CSMD1: variants seen among roughly 807,000 people sequenced by gnomAD.
CSMD1 encodes the protein CUB and Sushi multiple domains 1.
CSMD1 carries 213 observed loss-of-function variants against 417.5 expected under a neutral mutation model. The ratio of observed to expected loss-of-function variants is 0.51; its 90% CI spans 0.46 to 0.57. The LOEUF (loss-of-function observed/expected upper bound fraction) is 0.57, where lower values mean the gene tolerates loss of function less well. Among genes scored for constraint, CSMD1 ranks in the 20% least tolerant of loss-of-function variants. The pLI, the probability that CSMD1 is intolerant of heterozygous loss-of-function variation, is 0.00. For missense variants in CSMD1, 6,923 were observed against 4,529.7 expected, an observed-to-expected ratio of 1.53 and a Z score of -15.17; for synonymous variants, 2,862 against 1,736.8, an observed-to-expected ratio of 1.65 and a Z score of -16.11.
chr8:4,536,361 T>A lies in CSMD1; in HGVS notation c.302+100981A>T, dbSNP rs139179051. ...TTCCTGTGTGTAATATTTATTTGCTTGTATTTTTTAAATTTATCCTTACAA... is the reference window on the plus strand; with the variant it reads ...TTCCTGTGTGTAATATTTATTTGCTAGTATTTTTTAAATTTATCCTTACAA... On this transcript the variant is annotated intron_variant, in intron 2 of 69. Transcript: ENST00000635120. Among the ~76,000 whole-genome samples, 238 of 152,310 alleles carry A rather than the reference T, an allele frequency of 1.6e-3. 2 individuals are homozygous for A. The highest frequency in any genetic ancestry group is 5.4e-3 in the African/African-American group (224 of 41,570).
chr8:3,164,999 T>G (rs1820121359), intron 37 of CSMD1, among the ~76,000 whole-genome samples: 2 of 151,956 alleles, frequency 1.3e-5, no homozygotes, highest in Non-Finnish European at 2.9e-5. Context: ...TTTAAGGAAT[T>G]ATAATTAATT....
At chr8:4,337,302 C>T (rs1800227744) in intron 3 of CSMD1, among the ~76,000 whole-genome samples, 1 of 152,082 alleles carries the variant, frequency 6.6e-6, no homozygotes, top group Non-Finnish European at 1.5e-5. Context: ...TTTTTCTCTG[C>T]CATGAAGATC....
rs865990489 is a variant in CSMD1 at position 3,656,316 on chromosome 8, A to C, written c.1010-39519T>G. Reference sequence around the variant, plus strand: ...ATACTCTCTCAGAAGCTTAGGGCGAAAGGTATAGCACTACTTTCCTAGAAA... The same window carrying C: ...ATACTCTCTCAGAAGCTTAGGGCGACAGGTATAGCACTACTTTCCTAGAAA... On this transcript the variant is annotated intron_variant, in intron 7 of 69. Coordinates refer to ENST00000635120, the MANE Select transcript of CSMD1 (RefSeq NM_033225.6). Among the ~76,000 whole-genome samples the C allele has an allele frequency of 2.6e-5, 4 of 152,188 alleles. No individual in the cohort carries two copies. The South Asian group carries it at 6.2e-4, about 24-fold the overall frequency.
At chr8:3,599,223 A>G (rs2449176) in intron 8 of CSMD1, among the ~76,000 whole-genome samples, 36,393 of 151,412 alleles carry the variant, frequency 0.24, 4,563 homozygotes, top group Admixed American at 0.27. Flanking sequence ...CTAAATGATA[A>G]ACAAAGTGAA....
chr8:3,562,134 CAA>C (rs59050971), intron 10 of CSMD1, among the ~76,000 whole-genome samples: 29 of 127,162 alleles, frequency 2.3e-4, no homozygotes, highest in African/African-American at 7.2e-4. Flanking sequence ...ATCCAACCCA[CAA>C]AAAAAAAAAA....
chr8:3,654,734 T>A (rs773259856), intron 7 of CSMD1, among the ~76,000 whole-genome samples: 5 of 152,194 alleles, frequency 3.3e-5, no homozygotes, highest in African/African-American at 1.2e-4. Context: ...CTGCAGGTGA[T>A]GAAGTGCTCC....
chr8:3,010,597 C>A (rs1415542316), intron 52 of CSMD1, among the ~76,000 whole-genome samples: 1 of 152,116 alleles, frequency 6.6e-6, no homozygotes, highest in Non-Finnish European at 1.5e-5. Flanking sequence ...AATGGCTTTA[C>A]CCCATGCCTG....
intron 8 of CSMD1, among the ~76,000 whole-genome samples, chr8:3,592,658 ACGTGTGTGTG>A (rs1800902026): frequency 6.7e-6 from 1 of 149,540 alleles, no homozygotes; most frequent in African/African-American, 2.5e-5. Context: ...GTGTGTGTTT[ACGTGTGTGTG>A]CACATCCGTG....
chr8:4,545,349 C>A (rs1482051608), intron 2 of CSMD1, among the ~76,000 whole-genome samples: 1 of 152,152 alleles, frequency 6.6e-6, no homozygotes, highest in East Asian at 1.9e-4. Flanking sequence ...ATTTATTATT[C>A]TTTCGTTTTA....
intron 3 of CSMD1, among the ~76,000 whole-genome samples, chr8:4,109,917 CAGAAAATGAAATA>C (rs1265432808): frequency 6.6e-6 from 1 of 151,996 alleles, no homozygotes; most frequent in African/African-American, 2.4e-5. Flanking sequence ...AATTTGGGCA[CAGAAAATGAAATA>C]AGATCATGAC....
intron 3 of CSMD1, among the ~76,000 whole-genome samples, chr8:4,224,161 T>C (rs542709176): frequency 6.6e-6 from 1 of 152,222 alleles, no homozygotes; most frequent in South Asian, 2.1e-4. Flanking sequence ...TTACTACACA[T>C]AATCACAAAA....
chr8:3,401,701 G>A (rs1054103549), intron 15 of CSMD1, among the ~76,000 whole-genome samples: 7 of 151,994 alleles, frequency 4.6e-5, no homozygotes, highest in Middle Eastern at 3.2e-3. Flanking sequence ...TATGGCAGGT[G>A]GAAAAAGGTC....
chr8:3,998,187 C>T, intron 4 of CSMD1, 77 bp from the exon 5 acceptor site: 2 of 1,279,268 alleles, frequency 1.6e-6, no homozygotes. Flanking sequence ...CCAAGTGTCA[C>T]TCTTGATCAG....
At chr8:3,015,555 C>T (rs906763491) in intron 52 of CSMD1, among the ~76,000 whole-genome samples, 1 of 151,650 alleles carries the variant, frequency 6.6e-6, no homozygotes, top group Non-Finnish European at 1.5e-5. Context: ...CATCTCATAA[C>T]AATAGTAAAC....
intron 5 of CSMD1, among the ~76,000 whole-genome samples, chr8:3,827,309 G>T (rs138327385): frequency 6.6e-6 from 1 of 152,034 alleles, no homozygotes. Flanking sequence ...AGAGTCAAAG[G>T]CTCTATATAA....
intron 4 of CSMD1, among the ~76,000 whole-genome samples, chr8:4,012,648 C>T (rs1180071120): frequency 2.0e-5 from 3 of 152,110 alleles, no homozygotes; most frequent in African/African-American, 7.2e-5. Context: ...TCCATCAGTT[C>T]CATGAATGTC....
chr8:3,748,235 T>C (rs1307355786), intron 6 of CSMD1, among the ~76,000 whole-genome samples: 5 of 152,204 alleles, frequency 3.3e-5, no homozygotes, highest in Admixed American at 3.3e-4. Context: ...TTGAATGAGT[T>C]ATATTATTAA....
intron 7 of CSMD1, among the ~76,000 whole-genome samples, chr8:3,667,334 G>C (rs1052927010): frequency 6.6e-6 from 1 of 152,120 alleles, no homozygotes; most frequent in South Asian, 2.1e-4. Flanking sequence ...GGGGTGGCAG[G>C]TGTCCCCTTG....
chr8:4,095,230 A>C (rs2130860133), intron 3 of CSMD1, among the ~76,000 whole-genome samples: 1 of 152,320 alleles, frequency 6.6e-6, no homozygotes, highest in East Asian at 1.9e-4. Context: ...TCCTTAACTC[A>C]GGCTGATCTT....
Sources: gnomAD v4.1 joint callset for allele counts (sites outside exome capture counted in the v4.1 genomes callset) on GRCh38, gnomAD v4.1.1 for gene constraint, MANE v1.5 for transcripts, NCBI Gene and HGNC (gene_info 2026-07-23, HGNC 2026-07-21) for gene names.